The following ABCA4 variants were observed in gnomAD, a reference collection of about 807,000 sequenced individuals.
ABCA4 encodes the protein retinal-specific phospholipid-transporting ATPase ABCA4.
ABCA4 carries 196 observed loss-of-function variants against 263.7 expected under a neutral mutation model. The ratio of observed to expected loss-of-function variants is 0.74; its 90% CI spans 0.66 to 0.84. The LOEUF is 0.84. Among genes scored for constraint, ABCA4 ranks in the 40% least tolerant of loss-of-function variants. ABCA4 has a pLI of 0.00. For synonymous variants in ABCA4, 1,133 were observed against 1,094.2 expected (o/e 1.04, Z -0.70); for missense variants, 2,792 against 2,855.1 (o/e 0.98, Z 0.50).
intron 49 of ABCA4, 113 bp from the exon 50 acceptor site, chr1:93,993,355 T>C: frequency 7.4e-7 from 1 of 1,353,476 alleles, no homozygotes; most frequent in Non-Finnish European, 1.0e-6. Context: ...GGCACTCAGC[T>C]GAGGGCACTG....
intron 28 of ABCA4, 31 bp from the exon 29 acceptor site, chr1:94,030,557 G>C (rs1200144563): frequency 2.5e-6 from 4 of 1,597,888 alleles, no homozygotes; most frequent in Middle Eastern, 1.6e-4. Flanking sequence ...GACTGGGACA[G>C]AGCAGGCGCG....
chr1:94,032,854 A>G (rs1660241979), intron 26 of ABCA4, among the ~76,000 whole-genome samples: 1 of 152,180 alleles, frequency 6.6e-6, no homozygotes, highest in Non-Finnish European at 1.5e-5. Context: ...TTGGGTAGAA[A>G]GGGGAGAGGA....
At position 94,098,221 on chromosome 1, in the gene ABCA4, G is replaced by C. The variant is rs563630953; in HGVS notation, c.768+573C>G. On this transcript the variant is annotated intron_variant, in intron 6 of 49. Coordinates refer to ENST00000370225, the MANE Select transcript of ABCA4 (RefSeq NM_000350.3). The stretch of plus-strand genomic sequence containing the variant: ...GAACAAAGGGTTGAGCTAGATCAGG[G>C]CTTTCCAAATTTTTGAGACTATGAA... Among the ~76,000 whole-genome samples the C allele has an allele frequency of 3.9e-5, 6 of 152,284 alleles. No homozygotes were observed. In the East Asian group the frequency reaches 1.2e-3, roughly 29 times the overall value.
chr1:94,096,899 C>G (rs1457557258), intron 6 of ABCA4, among the ~76,000 whole-genome samples: 1 of 152,182 alleles, frequency 6.6e-6, no homozygotes, highest in African/African-American at 2.4e-5. Context: ...GGTGCACAGA[C>G]ATTGCTCATT....
chr1:94,030,346 C>T, intron 29 of ABCA4, 82 bp downstream of exon 29: 3 of 1,261,306 alleles, frequency 2.4e-6, no homozygotes, highest in Non-Finnish European at 3.5e-6. Flanking sequence ...TGGGGCCTCC[C>T]CAACGCCTGC....
chr1:94,082,854 G>A (rs996735147), intron 7 of ABCA4, among the ~76,000 whole-genome samples: 1 of 152,212 alleles, frequency 6.6e-6, no homozygotes, highest in Admixed American at 6.5e-5. Flanking sequence ...GCAATCAGAT[G>A]TTAATTAAAA....
At chr1:94,066,865 GGCAGGA>G in intron 11 of ABCA4, among the ~76,000 whole-genome samples, 1 of 152,358 alleles carries the variant, frequency 6.6e-6, no homozygotes, top group Middle Eastern at 3.4e-3. Context: ...CAATATGGCA[GGCAGGA>G]GCCACAAATA....
rs116306224 is a variant in ABCA4 at position 94,113,303 on chromosome 1, G to A, written c.67-237C>T. On this transcript the variant is annotated intron_variant, in intron 1 of 49. Transcript: ENST00000370225. ...TGGGTTCCACTCTGCCTCTATTTTAGAAAACTGCATTAGCATGAGACTTTC... is the reference window on the plus strand; with the variant it reads ...TGGGTTCCACTCTGCCTCTATTTTAAAAAACTGCATTAGCATGAGACTTTC... Among the ~76,000 whole-genome samples, 1,423 of 152,256 alleles carry A rather than the reference G, an allele frequency of 9.3e-3. 15 individuals are homozygous for A. Among genetic ancestry groups the A allele is most frequent in the Middle Eastern group, 0.031 (9 of 294 alleles).
Position 94,062,641 on chromosome 1 carries a change from G to C in ABCA4, c.1873C>G (p.Gln625Glu), listed in dbSNP as rs878853396. ...TAGATTCCAACTGGAGCCTCCGCCTGCACCTGGCTCCTTGTGATCCCCTGT... is the reference window on the plus strand; with the variant it reads ...TAGATTCCAACTGGAGCCTCCGCCTCCACCTGGCTCCTTGTGATCCCCTGT... Reference protein sequence around the residue: ...VEQGITRSQVQAEAPVGIYLQ... With the variant: ...VEQGITRSQVEAEAPVGIYLQ... The change falls in exon 13 of 50, where the codon CAG becomes GAG. Residue 625 changes from glutamine (Q) to glutamate (E), a missense_variant. Gln to Glu is a conservative substitution (Grantham distance 29). Transcript: ENST00000370225. 1.2e-6 allele frequency: 2 copies of C among 1,614,196 alleles called. No individual in the cohort carries two copies. The highest frequency in any genetic ancestry group is 8.5e-7 in the Non-Finnish European group (1 of 1,180,038).
intron 5 of ABCA4, among the ~76,000 whole-genome samples, chr1:94,102,153 G>T (rs1220084297): frequency 6.6e-6 from 1 of 152,132 alleles, no homozygotes; most frequent in Non-Finnish European, 1.5e-5. Context: ...GGGAGCTAAG[G>T]GATGTGCAAG....
Position 94,030,110 on chromosome 1 carries a change from T to C in ABCA4, c.4352+318A>G, listed in dbSNP as rs78063798. The stretch of plus-strand genomic sequence containing the variant: ...CGCCATTCAAGGCCCAATCACACAA[T>C]AGCATAACCCTATTTCCCTCCCTCC... On this transcript the variant is annotated intron_variant, in intron 29 of 49. Coordinates refer to ENST00000370225, the MANE Select transcript of ABCA4 (RefSeq NM_000350.3). Among the ~76,000 whole-genome samples the C allele has an allele frequency of 3.7e-3, 571 of 152,302 alleles. 2 individuals carry two copies. Among genetic ancestry groups the C allele is most frequent in the African/African-American group, 0.013 (536 of 41,568 alleles).
chr1:94,079,368 A>AT lies in ABCA4; in HGVS notation c.1192dup (p.Ile398AsnfsTer6), dbSNP rs1661625047. The AT allele has an allele frequency of 6.2e-7, 1 of 1,614,082 alleles. No individual in the cohort carries two copies. Among genetic ancestry groups the AT allele is most frequent in the Non-Finnish European group, 8.5e-7 (1 of 1,180,014 alleles). ...TGCAGGTGAATCAGGAGTGTACAGGATTTTTCCCATCAGCAAAGGCTTTGC... is the reference window on the plus strand; with the variant it reads ...TGCAGGTGAATCAGGAGTGTACAGGATTTTTTCCCATCAGCAAAGGCTTTGC... On this transcript the variant is annotated frameshift_variant, in exon 9 of 50. Transcript: ENST00000370225. LOFTEE classifies it high-confidence loss of function.
At position 94,001,922 on chromosome 1, in the gene ABCA4, C is replaced by G. The variant is rs752850266; in HGVS notation, c.6218G>C (p.Gly2073Ala). 5.2e-5 allele frequency: 84 copies of G among 1,614,112 alleles called. 1 individual carries two copies. Among genetic ancestry groups the G allele is most frequent in the South Asian group, 4.9e-4 (45 of 91,094 alleles). Residue 2073 changes from glycine to alanine, a missense_variant, in exon 45 of 50, where the codon GGG becomes GCG. Transcript: ENST00000370225. ...TGTGGAGAGTTTCCGCTTGTTGCCC[C>G]CACTGTACGTGCCAGCCAGGCAGTC... Reference protein sequence around the residue: ...YADCLAGTYSGGNKRKLSTAI... With the variant: ...YADCLAGTYSAGNKRKLSTAI...
In ABCA4 at chr1:94,111,401, A is replaced by G. The variant is rs369835802; in HGVS notation, c.302+37T>C. 3.1e-6 allele frequency: 5 copies of G among 1,611,276 alleles called. No individual in the cohort carries two copies. The South Asian group carries it at 4.4e-5, about 14-fold the overall frequency. On this transcript the variant is annotated intron_variant, in intron 3 of 49. Transcript: ENST00000370225. ...ATTTCAGCACGTGAAGGGGTGTGCA[A>G]CTTCCTCCCCTGCATGGTAGGGATC...
chr1:94,055,607 T>C (rs928923530), intron 15 of ABCA4, among the ~76,000 whole-genome samples: 2 of 152,198 alleles, frequency 1.3e-5, no homozygotes, highest in Non-Finnish European at 2.9e-5. Context: ...TAGTGATCTA[T>C]GTACCCAAGA....
Position 94,121,094 on chromosome 1 carries a change from A to G in ABCA4, c.-49T>C. 6.4e-7 allele frequency: 1 copy of G among 1,572,310 alleles called. No individual in the cohort carries two copies. Among genetic ancestry groups the G allele is most frequent in the East Asian group, 2.2e-5 (1 of 44,654 alleles). On this transcript the variant is annotated 5_prime_UTR_variant, in exon 1 of 50. Coordinates refer to ENST00000370225, the MANE Select transcript of ABCA4 (RefSeq NM_000350.3). ...ATTGGTCAGAGCTGAGGCCCCTCAG[A>G]CAGCAAAGGACATAAACGCCGTTAA...
chr1:94,005,232 GTGGGGATT>G, intron 44 of ABCA4: 1 of 605,168 alleles, frequency 1.7e-6, no homozygotes, highest in Non-Finnish European at 2.9e-6. Context: ...AGATATGAGA[GTGGGGATT>G]TTTTTTTGTC....
At chr1:94,116,320 T>C (rs1275721622) in intron 1 of ABCA4, among the ~76,000 whole-genome samples, 1 of 152,030 alleles carries the variant, frequency 6.6e-6, no homozygotes, top group Non-Finnish European at 1.5e-5. Flanking sequence ...AGGTCAGCAC[T>C]TCTCATGTGG....
chr1:94,077,640 C>T, intron 11 of ABCA4, 50 bp downstream of exon 11: 1 of 1,531,360 alleles, frequency 6.5e-7, no homozygotes, highest in Non-Finnish European at 8.8e-7. Context: ...TCTGGCCCCA[C>T]TCATGGGGCT....
Sources: gnomAD v4.1 joint callset for allele counts (sites outside exome capture counted in the v4.1 genomes callset) on GRCh38, gnomAD v4.1.1 for gene constraint, MANE v1.5 for transcripts, NCBI Gene and HGNC (gene_info 2026-07-23, HGNC 2026-07-21) for gene names.